The following OBI1 variants were observed in gnomAD, a reference collection of about 807,000 sequenced individuals.
OBI1 encodes the protein ring finger protein 219.
OBI1 carries 59 observed loss-of-function variants against 62.4 expected under a neutral mutation model. The ratio of observed to expected loss-of-function variants is 0.95; its 90% CI spans 0.77 to 1.17. OBI1 has a LOEUF of 1.17. OBI1 is among the 50% of genes most tolerant of loss of function. OBI1 has a pLI of 0.00. For missense variants in OBI1, 875 were observed against 830.9 expected (o/e 1.05, Z -0.65); for synonymous variants, 302 against 292.8 (o/e 1.03, Z -0.32).
chr13:78,620,571 A>G, intron 5 of OBI1: 1 of 455,328 alleles, frequency 2.2e-6, no homozygotes, highest in Non-Finnish European at 4.4e-6. Context: ...AGAAGCTTAA[A>G]GGATTTTTCA....
chr13:78,644,406 G>A (rs1235297293), intron 2 of OBI1, among the ~76,000 whole-genome samples: 1 of 152,164 alleles, frequency 6.6e-6, no homozygotes, highest in Non-Finnish European at 1.5e-5. Context: ...CATGCTCTGG[G>A]TTTTCCTGTA....
At position 78,616,686 on chromosome 13, in the gene OBI1, T is replaced by A. The variant is rs754413861; in HGVS notation, c.1075A>T (p.Ser359Cys). 8 of 1,614,102 alleles carry A rather than the reference T, an allele frequency of 5.0e-6. No homozygotes were observed. In the South Asian group the frequency reaches 8.8e-5, roughly 18 times the overall value. ...TCTCTTTCCAAATAAGTATCCATAC[T>A]TGTATCTGTCACATCTAACATTACT... ...VEVMLDVTDT[S>C]MDTYLEREWG... The change falls in exon 6 of 6, where the codon AGT becomes TGT. Residue 359 changes from serine (S) to cysteine (C), a missense_variant. Coordinates refer to ENST00000282003, the MANE Select transcript of OBI1 (RefSeq NM_024546.4).
chr13:78,627,053 A>T (rs1593789032), intron 5 of OBI1, among the ~76,000 whole-genome samples: 1 of 152,172 alleles, frequency 6.6e-6, no homozygotes, highest in Admixed American at 6.5e-5. Context: ...GCGACAGCAC[A>T]GGAAAGAAAG....
chr13:78,627,558 A>G (rs1593789325), intron 5 of OBI1, among the ~76,000 whole-genome samples: 1 of 152,154 alleles, frequency 6.6e-6, no homozygotes, highest in Non-Finnish European at 1.5e-5. Flanking sequence ...TAGTTTGCTG[A>G]GGATAATGGC....
chr13:78,640,751 G>A (rs1279200424), intron 3 of OBI1, among the ~76,000 whole-genome samples: 2 of 152,174 alleles, frequency 1.3e-5, no homozygotes, highest in African/African-American at 4.8e-5. Flanking sequence ...AGTGAGCCGA[G>A]ATCATGCCAT....
intron 4 of OBI1, among the ~76,000 whole-genome samples, chr13:78,637,233 G>C (rs1434455112): frequency 6.6e-6 from 1 of 152,086 alleles, no homozygotes; most frequent in South Asian, 2.1e-4. Context: ...ATTATGTTGA[G>C]TATGTTATTA....
chr13:78,625,787 C>T (rs150652946), intron 5 of OBI1, among the ~76,000 whole-genome samples: 235 of 152,242 alleles, frequency 1.5e-3, no homozygotes, highest in African/African-American at 5.4e-3. Context: ...GTTCCCCTTC[C>T]GGGAAAACCA....
intron 4 of OBI1, 78 bp from the exon 5 acceptor site, chr13:78,635,276 G>A (rs942553189): frequency 1.9e-5 from 16 of 821,630 alleles, no homozygotes; most frequent in African/African-American, 1.0e-4. Context: ...TGAGCCATCC[G>A]TATTTTTTAG....
chr13:78,635,756 CTATG>C (rs1876010184), intron 4 of OBI1, among the ~76,000 whole-genome samples: 1 of 152,024 alleles, frequency 6.6e-6, no homozygotes, highest in Non-Finnish European at 1.5e-5. Context: ...ATCTATCTAT[CTATG>C]TATCTATTTA....
intron 4 of OBI1, 92 bp from the exon 5 acceptor site, chr13:78,635,290 G>T (rs922548415): frequency 8.2e-6 from 6 of 728,200 alleles, no homozygotes; most frequent in Non-Finnish European, 1.4e-5. Context: ...TTTTTAGAGT[G>T]ATAATATCAG....
In OBI1 at chr13:78,655,143, C is replaced by T. The variant is rs116732221; in HGVS notation, c.72+3906G>A. 6.2e-3 allele frequency among the ~76,000 whole-genome samples: 940 copies of T among 152,256 alleles called. 13 individuals carry two copies. Among genetic ancestry groups the T allele is most frequent in the African/African-American group, 0.021 (884 of 41,550 alleles). On this transcript the variant is annotated intron_variant, in intron 1 of 5. Transcript: ENST00000282003. ...TTTCACTCATGGCAAAATGCATGCA[C>T]GGCCAATAAAAAGTATTACATGCCA...
In OBI1 at chr13:78,616,683, T is replaced by C. The variant is rs1337512395; in HGVS notation, c.1078A>G (p.Met360Val). The stretch of plus-strand genomic sequence containing the variant: ...CATTCTCTTTCCAAATAAGTATCCA[T>C]ACTTGTATCTGTCACATCTAACATT... ...EVMLDVTDTS[M>V]DTYLEREWGN... Residue 360 changes from methionine to valine, a missense_variant, in exon 6 of 6, where the codon ATG (methionine) becomes GTG (valine). Physicochemically the swap from Met to Val is conservative, Grantham distance 21 (BLOSUM62 1). Transcript: ENST00000282003. 6.2e-7 allele frequency: 1 copy of C among 1,614,190 alleles called. No homozygotes were observed. Among genetic ancestry groups the C allele is most frequent in the Admixed American group, 1.7e-5 (1 of 60,030 alleles).
chr13:78,641,978 G>T (rs1446548531), intron 3 of OBI1, 144 bp downstream of exon 3: 4 of 413,508 alleles, frequency 9.7e-6, no homozygotes, highest in East Asian at 3.6e-5. Flanking sequence ...AAAGAAAAAA[G>T]AATTTATCAA....
At chr13:78,621,741 T>C (rs1875518882) in intron 5 of OBI1, among the ~76,000 whole-genome samples, 1 of 152,080 alleles carries the variant, frequency 6.6e-6, no homozygotes, top group Admixed American at 6.5e-5. Context: ...AGAAAAGTGG[T>C]GGTGAAAAGG....
rs975891682 is a variant in OBI1 at position 78,616,708 on chromosome 13, T to C, written c.1053A>G (p.Val351=). The change falls in exon 6 of 6, where the codon GTA becomes GTG. Residue 351 remains valine (V), a synonymous_variant. Coordinates refer to ENST00000282003, the MANE Select transcript of OBI1 (RefSeq NM_024546.4). ...TACTTGTATCTGTCACATCTAACAT[T>C]ACTTCTACCTGTTCTTGATATAGGT... ...NKDLYQEQVE[V]MLDVTDTSMD... 3.7e-6 allele frequency: 6 copies of C among 1,614,108 alleles called. No individual in the cohort carries two copies. The highest frequency in any genetic ancestry group is 5.1e-6 in the Non-Finnish European group (6 of 1,180,028).
intron 5 of OBI1, among the ~76,000 whole-genome samples, chr13:78,633,134 T>C (rs1230584073): frequency 6.6e-6 from 1 of 152,154 alleles, no homozygotes; most frequent in Non-Finnish European, 1.5e-5. Flanking sequence ...AAACGGCTAA[T>C]GGACAAGCAT....
At chr13:78,636,712 T>A (rs1321046911) in intron 4 of OBI1, among the ~76,000 whole-genome samples, 1 of 152,214 alleles carries the variant, frequency 6.6e-6, no homozygotes, top group Non-Finnish European at 1.5e-5. Context: ...ACACCATTAC[T>A]GCTTCTCTGA....
At position 78,616,813 on chromosome 13, in the gene OBI1, G is replaced by A. The variant is rs1875313040; in HGVS notation, c.948C>T (p.Ser316=). ...AACTGGTGTCACACAGTCTGCTGCT[G>A]GAAGGCTTCGCTAGGTGAGAAGAAC... ...TSSSSHLAKP[S]SSRLCDTSSA... is the part of the protein sequence containing the mutation. Residue 316 remains serine (S), a synonymous_variant, in exon 6 of 6, where the codon TCC becomes TCT. Coordinates refer to ENST00000282003, the MANE Select transcript of OBI1 (RefSeq NM_024546.4). 1 of 1,614,168 alleles carries A rather than the reference G, an allele frequency of 6.2e-7. No homozygotes were observed. The highest frequency in any genetic ancestry group is 8.5e-7 in the Non-Finnish European group (1 of 1,180,016).
intron 1 of OBI1, among the ~76,000 whole-genome samples, chr13:78,648,280 A>ACACG (rs1491170469): frequency 3.4e-3 from 4 of 1,192 alleles, no homozygotes; most frequent in African/African-American, 4.1e-3. Context: ...CTTCCCCCAA[A>ACACG]CACACACACA....
Sources: allele counts gnomAD v4.1 joint callset (sites outside exome capture counted in the v4.1 genomes callset), GRCh38; gene constraint gnomAD v4.1.1; transcripts MANE v1.5; gene names NCBI Gene and HGNC (gene_info 2026-07-23, HGNC 2026-07-21).